CCDC73: variants seen among roughly 807,000 people sequenced by gnomAD.
CCDC73 encodes the protein coiled-coil domain containing 73.
A neutral mutation model predicts 116.5 loss-of-function variants in CCDC73; 95 were observed. The ratio of observed to expected loss-of-function variants is 0.82; its 90% CI spans 0.69 to 0.97. The LOEUF (loss-of-function observed/expected upper bound fraction) is 0.97. Among genes scored for constraint, CCDC73 ranks in the 50% least tolerant of loss-of-function variants. The pLI, the probability that CCDC73 is intolerant of heterozygous loss-of-function variation, is 0.00. For missense variants in CCDC73, 1,066 were observed against 1,206.8 expected (o/e 0.88, Z 1.73); for synonymous variants, 398 against 401.3 (o/e 0.99, Z 0.10).
intron 17 of CCDC73, among the ~76,000 whole-genome samples, chr11:32,606,507 A>G (rs971566307): frequency 6.6e-6 from 1 of 152,242 alleles, no homozygotes; most frequent in African/African-American, 2.4e-5. Flanking sequence ...TTAAGCTGGG[A>G]CAATGAAGCT....
In CCDC73 at chr11:32,676,016, T is replaced by TA. The variant is rs763567210; in HGVS notation, c.434_435insT (p.Gln145HisfsTer10). 1 of 1,588,790 alleles carries TA rather than the reference T, an allele frequency of 6.3e-7. No individual in the cohort carries two copies. The highest frequency in any genetic ancestry group is 2.3e-5 in the East Asian group (1 of 44,270). ...TAGCCAGAAGATGTAACTGGACCTTTTGTTCCTATTTTGAAGAGTAATTTT... is the reference window on the plus strand; with the variant it reads ...TAGCCAGAAGATGTAACTGGACCTTTATGTTCCTATTTTGAAGAGTAATTTT... On this transcript the variant is annotated frameshift_variant, in exon 8 of 18. Transcript: ENST00000335185. LOFTEE classifies it high-confidence loss of function.
chr11:32,643,649 T>TA (rs1168593708), intron 12 of CCDC73, among the ~76,000 whole-genome samples: 6 of 151,990 alleles, frequency 3.9e-5, no homozygotes, highest in Non-Finnish European at 8.8e-5. Context: ...AAAGGTACAG[T>TA]AAAAAAATAA....
chr11:32,717,967 A>G, intron 3 of CCDC73, 109 bp downstream of exon 3: 1 of 712,416 alleles, frequency 1.4e-6, no homozygotes, highest in South Asian at 1.9e-5. Context: ...AACTGCCCAA[A>G]TGATTCAATT....
At chr11:32,824,854 C>G in the CCDC73 span, among the ~76,000 whole-genome samples, 17 of 152,166 alleles carry the variant, frequency 1.1e-4, no homozygotes, top group Admixed American at 1.1e-3. Flanking sequence ...GAGGTCAAGG[C>G]GGGAAGATCC....
the CCDC73 span, among the ~76,000 whole-genome samples, chr11:32,810,901 C>A: frequency 6.6e-6 from 1 of 151,956 alleles, no homozygotes; most frequent in African/African-American, 2.4e-5. Flanking sequence ...GAGGCCGAGG[C>A]GGGTGGATCA....
chr11:32,725,798 C>A (rs1234279277), intron 2 of CCDC73, among the ~76,000 whole-genome samples: 3 of 152,112 alleles, frequency 2.0e-5, no homozygotes, highest in Middle Eastern at 3.4e-3. Context: ...GAGAAGAGAA[C>A]CTTAAAGAAG....
chr11:32,704,444 C>T (rs947927378), intron 3 of CCDC73, among the ~76,000 whole-genome samples: 3 of 152,202 alleles, frequency 2.0e-5, no homozygotes, highest in Non-Finnish European at 4.4e-5. Flanking sequence ...GCCTTGGCCC[C>T]CTCTGGAAGC....
the CCDC73 span, among the ~76,000 whole-genome samples, chr11:32,801,514 AC>A: frequency 2.4e-4 from 36 of 151,984 alleles, no homozygotes; most frequent in African/African-American, 7.7e-4. Context: ...GGTGGCACAC[AC>A]CTGTAGTCCC....
intron 6 of CCDC73, among the ~76,000 whole-genome samples, chr11:32,698,912 A>T (rs1164968108): frequency 6.6e-6 from 1 of 152,176 alleles, no homozygotes; most frequent in African/African-American, 2.4e-5. Flanking sequence ...CACATAGCAA[A>T]AATTCAATGC....
chr11:32,674,000 G>A (rs1402628729), intron 9 of CCDC73, among the ~76,000 whole-genome samples: 1 of 152,092 alleles, frequency 6.6e-6, no homozygotes, highest in Admixed American at 6.6e-5. Flanking sequence ...GGAACAGGGG[G>A]AATAAATACC....
At chr11:32,824,909 C>A in the CCDC73 span, among the ~76,000 whole-genome samples, 6 of 152,150 alleles carry the variant, frequency 3.9e-5, no homozygotes, top group Non-Finnish European at 8.8e-5. Flanking sequence ...CATGGCAAAA[C>A]CCCTGTCTCT....
chr11:32,628,981 C>A (rs1434442960), intron 14 of CCDC73, among the ~76,000 whole-genome samples: 1 of 151,562 alleles, frequency 6.6e-6, no homozygotes, highest in East Asian at 1.9e-4. Context: ...AAAAACGAAC[C>A]AAATGGAAAT....
chr11:32,609,453 A>G (rs1363041843), intron 17 of CCDC73, among the ~76,000 whole-genome samples: 4 of 152,138 alleles, frequency 2.6e-5, no homozygotes, highest in Non-Finnish European at 4.4e-5. Flanking sequence ...ATTACCTCAG[A>G]CTGGATTTCA....
At chr11:32,694,992 T>G (rs1856295751) in intron 6 of CCDC73, among the ~76,000 whole-genome samples, 2 of 152,218 alleles carry the variant, frequency 1.3e-5, no homozygotes, top group African/African-American at 4.8e-5. Flanking sequence ...TCAAAGACCC[T>G]GATGCCTTGT....
chr11:32,823,132 T>G, the CCDC73 span, among the ~76,000 whole-genome samples: 1 of 151,600 alleles, frequency 6.6e-6, no homozygotes, highest in Non-Finnish European at 1.5e-5. Flanking sequence ...GGAAAAAGGA[T>G]GAAAGACAGA....
intron 1 of CCDC73, among the ~76,000 whole-genome samples, chr11:32,783,702 A>G (rs531795629): frequency 5.3e-5 from 8 of 152,028 alleles, no homozygotes; most frequent in Admixed American, 2.6e-4. Context: ...CTCTGCCTTC[A>G]TGACCTAATC....
At chr11:32,824,848 TC>T in the CCDC73 span, among the ~76,000 whole-genome samples, 19 of 152,148 alleles carry the variant, frequency 1.2e-4, no homozygotes, top group African/African-American at 3.9e-4. Context: ...CTTTGGGAGG[TC>T]AAGGCGGGAA....
At chr11:32,771,251 C>T (rs1052604647) in intron 1 of CCDC73, among the ~76,000 whole-genome samples, 5 of 152,080 alleles carry the variant, frequency 3.3e-5, no homozygotes, top group African/African-American at 1.2e-4. Flanking sequence ...GAAAACAAGA[C>T]TAAAACAACC....
the CCDC73 span, among the ~76,000 whole-genome samples, chr11:32,817,239 T>G: frequency 1.3e-5 from 2 of 152,250 alleles, no homozygotes; most frequent in Non-Finnish European, 2.9e-5. Context: ...ATACATTTGA[T>G]TTTTAAAATG....
Sources: allele counts gnomAD v4.1 joint callset (sites outside exome capture counted in the v4.1 genomes callset), GRCh38; gene constraint gnomAD v4.1.1; transcripts MANE v1.5; gene names NCBI Gene and HGNC (gene_info 2026-07-23, HGNC 2026-07-21).